Variants in GLDC observed in about 807,000 individuals in gnomAD.
The protein encoded by GLDC is glycine dehydrogenase (decarboxylating), mitochondrial.
Under a neutral mutation model 121.3 loss-of-function variants are expected in GLDC, and 104 were observed. The ratio of observed to expected loss-of-function variants is 0.86; its 90% CI spans 0.73 to 1.01. The LOEUF (loss-of-function observed/expected upper bound fraction) is 1.01. Among genes scored for constraint, GLDC ranks in the 50% least tolerant of loss-of-function variants. The pLI, the probability that GLDC is intolerant of heterozygous loss-of-function variation, is 0.00. For missense variants in GLDC, 1,429 were observed against 1,306.6 expected (o/e 1.09, Z -1.44); for synonymous variants, 546 against 480.6 (o/e 1.14, Z -1.78).
At chr9:6,571,692 T>C (rs1817971108) in intron 15 of GLDC, among the ~76,000 whole-genome samples, 1 of 152,260 alleles carries the variant, frequency 6.6e-6, no homozygotes, top group South Asian at 2.1e-4. Flanking sequence ...TTCATCACAC[T>C]ATTTAGAATG....
intron 17 of GLDC, among the ~76,000 whole-genome samples, chr9:6,556,770 G>T (rs1331287330): frequency 5.4e-5 from 8 of 147,480 alleles, no homozygotes. Context: ...CTCCAGCTTG[G>T]ACAACAGAGA....
Position 6,592,922 on chromosome 9 carries a change from A to T in GLDC, c.1330T>A (p.Cys444Ser). Reference protein sequence around the residue: ...FFDTLKIQCGCSVKEVLGRAA... With the variant: ...FFDTLKIQCGSSVKEVLGRAA... ...CTGCCCAAGACCTCCTTCACTGAGC[A>T]GCCACACTGAATCTTCAAGGTATCA... Residue 444 changes from cysteine (C) to serine (S), a missense_variant, in exon 10 of 25, where the codon TGC becomes AGC. Cys to Ser is a moderately radical substitution (Grantham distance 112). Coordinates refer to ENST00000321612, the MANE Select transcript of GLDC (RefSeq NM_000170.3). The T allele has an allele frequency of 6.2e-7, 1 of 1,614,058 alleles. No individual in the cohort carries two copies. Among genetic ancestry groups the T allele is most frequent in the Non-Finnish European group, 8.5e-7 (1 of 1,179,854 alleles).
At chr9:6,621,700 T>G (rs570721989) in intron 2 of GLDC, among the ~76,000 whole-genome samples, 1 of 152,234 alleles carries the variant, frequency 6.6e-6, no homozygotes, top group Admixed American at 6.5e-5. Context: ...GTATTTTTAG[T>G]AGAGATGGGG....
chr9:6,620,261 T>C lies in GLDC; in HGVS notation c.393A>G (p.Arg131=), dbSNP rs1476966533. Residue 131 remains arginine (R), a synonymous_variant, in exon 3 of 25, where the codon AGA becomes AGG. Transcript: ENST00000321612. The part of the protein sequence containing the change: ...HAISSKNQIW[R]SYIGMGYYNC... ...TATAATAGCCCATGCCAATATACGA[T>C]CTCCAGATCTGGTTTTTGCTTGAAA... The C allele has an allele frequency of 6.2e-6, 10 of 1,613,478 alleles. 1 individual carries two copies. The South Asian group carries it at 9.9e-5, about 16-fold the overall frequency.
At chr9:6,564,444 G>A (rs1817816025) in intron 16 of GLDC, among the ~76,000 whole-genome samples, 2 of 152,132 alleles carry the variant, frequency 1.3e-5, no homozygotes, top group Admixed American at 1.3e-4. Flanking sequence ...ACCTTCCAGT[G>A]GTAATAAAAC....
chr9:6,533,660 A>G (rs1191022593), intron 24 of GLDC, among the ~76,000 whole-genome samples: 2 of 151,880 alleles, frequency 1.3e-5, no homozygotes, highest in African/African-American at 4.8e-5. Flanking sequence ...GAGGTTCGAG[A>G]CCAGCCTGAT....
At chr9:6,595,969 G>C (rs1321419736) in intron 8 of GLDC, among the ~76,000 whole-genome samples, 2 of 152,194 alleles carry the variant, frequency 1.3e-5, no homozygotes, top group Non-Finnish European at 2.9e-5. Flanking sequence ...AAACAAGGAA[G>C]TAAATGAGGA....
chr9:6,600,523 A>C (rs2129879924), intron 8 of GLDC, among the ~76,000 whole-genome samples: 1 of 152,136 alleles, frequency 6.6e-6, no homozygotes, highest in South Asian at 2.1e-4. Context: ...TAAAAATACA[A>C]AAATTATCTG....
chr9:6,536,007 C>G, intron 23 of GLDC, 57 bp downstream of exon 23: 1 of 1,423,364 alleles, frequency 7.0e-7, no homozygotes, highest in Non-Finnish European at 9.9e-7. Context: ...GTACACTGTC[C>G]AGACATCATT....
chr9:6,615,451 G>C (rs1482913450), intron 3 of GLDC, among the ~76,000 whole-genome samples: 1 of 151,736 alleles, frequency 6.6e-6, no homozygotes, highest in Non-Finnish European at 1.5e-5. Flanking sequence ...AGCCTGGCGA[G>C]GGGCCTGTAA....
Position 6,587,128 on chromosome 9 carries a change from G to A in GLDC, c.1850+13C>T, listed in dbSNP as rs575410084. On this transcript the variant is annotated intron_variant, in intron 15 of 24. Coordinates refer to ENST00000321612, the MANE Select transcript of GLDC (RefSeq NM_000170.3). The stretch of plus-strand genomic sequence containing the variant: ...ATAGATTGCTGAAACAATAAGAAAA[G>A]AAATGCCCTTACCTGTTTGGCTGGA... 6.2e-7 allele frequency: 1 copy of A among 1,608,244 alleles called. No individual in the cohort carries two copies. The highest frequency in any genetic ancestry group is 2.2e-5 in the East Asian group (1 of 44,864).
chr9:6,635,835 ACTGTAGTCGAGC>A (rs576851678), intron 2 of GLDC, among the ~76,000 whole-genome samples: 97 of 152,236 alleles, frequency 6.4e-4, no homozygotes, highest in South Asian at 1.5e-3. Flanking sequence ...TGATCATTCC[ACTGTAGTCGAGC>A]CTGGGTGACA....
intron 6 of GLDC, 33 bp downstream of exon 6, chr9:6,605,098 T>A (rs773289352): frequency 6.2e-7 from 1 of 1,600,344 alleles, no homozygotes; most frequent in Non-Finnish European, 8.6e-7. Flanking sequence ...GGGATACGCC[T>A]CCACGGACCC....
chr9:6,552,604 C>T (rs1817538187), intron 20 of GLDC, among the ~76,000 whole-genome samples: 2 of 152,116 alleles, frequency 1.3e-5, no homozygotes, highest in Admixed American at 1.3e-4. Flanking sequence ...GAATGATTGG[C>T]ATAGCTGCGT....
intron 3 of GLDC, among the ~76,000 whole-genome samples, chr9:6,611,959 T>G (rs139264745): frequency 1.8e-4 from 28 of 152,266 alleles, no homozygotes; most frequent in African/African-American, 6.3e-4. Context: ...TGTCAAGCCA[T>G]GTGTGTAGAT....
chr9:6,634,161 A>T (rs550133248), intron 2 of GLDC, among the ~76,000 whole-genome samples: 1 of 152,098 alleles, frequency 6.6e-6, no homozygotes, highest in African/African-American at 2.4e-5. Flanking sequence ...TGGGAGGTGG[A>T]GGCTGCGGTA....
At chr9:6,575,988 T>C (rs555923639) in intron 15 of GLDC, among the ~76,000 whole-genome samples, 15 of 152,296 alleles carry the variant, frequency 9.8e-5, no homozygotes, top group Middle Eastern at 3.4e-3. Flanking sequence ...AACAAATAAA[T>C]AGGAGAAAAT....
intron 3 of GLDC, among the ~76,000 whole-genome samples, chr9:6,611,206 T>C (rs1488945408): frequency 1.3e-5 from 2 of 152,348 alleles, no homozygotes; most frequent in East Asian, 3.9e-4. Context: ...GGATTCTAAC[T>C]TTATCTCCTT....
At chr9:6,563,877 G>C (rs774076393) in intron 16 of GLDC, among the ~76,000 whole-genome samples, 6 of 151,916 alleles carry the variant, frequency 3.9e-5, no homozygotes, top group Non-Finnish European at 8.8e-5. Flanking sequence ...GGTCATGCCT[G>C]TAATCCTGGT....
Sources: allele counts gnomAD v4.1 joint callset (sites outside exome capture counted in the v4.1 genomes callset), GRCh38; gene constraint gnomAD v4.1.1; transcripts MANE v1.5; gene names NCBI Gene and HGNC (gene_info 2026-07-23, HGNC 2026-07-21).